Variants in ATL2 observed in about 807,000 individuals in gnomAD.
The protein encoded by ATL2 is atlastin-2.
Under a neutral mutation model 73.9 loss-of-function variants are expected in ATL2, and 31 were observed. That is an observed-to-expected ratio of 0.42 (90% CI 0.32 to 0.57). The LOEUF (loss-of-function observed/expected upper bound fraction) is 0.57, where lower values mean the gene tolerates loss of function less well. ATL2 is among the 20% of genes least tolerant of loss of function. The pLI is 0.14. For synonymous variants in ATL2, 291 were observed against 237.5 expected, an observed-to-expected ratio of 1.23 and a Z score of -2.07; for missense variants, 738 against 702.6, an observed-to-expected ratio of 1.05 and a Z score of -0.57.
rs778034739 is a variant in ATL2, at chr2:38,314,662, T to A, written c.657A>T (p.Leu219Phe). 4 of 1,583,474 alleles carry A rather than the reference T, an allele frequency of 2.5e-6. No homozygotes were observed. The stretch of plus-strand genomic sequence containing the variant: ...TCGCAAGTCTTCCATACTCTGTAAA[T>A]AACTATTAAATAGAGTTAGTTAAAA... ...IQEDDLQHLQ[L>F]FTEYGRLAME... The change falls in exon 6 of 13, where the codon TTA becomes TTT. Residue 219 changes from leucine (L) to phenylalanine (F), a missense_variant and splice_region_variant. Coordinates refer to ENST00000378954, the MANE Select transcript of ATL2 (RefSeq NM_001135673.4).
At position 38,331,114 on chromosome 2, in the gene ATL2, C is replaced by A. The variant is rs557809302; in HGVS notation, c.364-12095G>T. ...GAGTTCGAGACAAACCTGGGCAACA[C>A]GGTGAAACCCTGTCTCTACTAACAT... On this transcript the variant is annotated intron_variant, in intron 2 of 12. Transcript: ENST00000378954. Among the ~76,000 whole-genome samples the A allele has an allele frequency of 3.3e-5, 5 of 151,838 alleles. No homozygotes were observed. In the South Asian group the frequency reaches 1.0e-3, roughly 32 times the overall value.
At chr2:38,365,587 G>C (rs570909122) in intron 1 of ATL2, among the ~76,000 whole-genome samples, 3 of 152,036 alleles carry the variant, frequency 2.0e-5, no homozygotes, top group African/African-American at 7.2e-5. Context: ...TCAGGAGTTC[G>C]AGACCAGCCT....
At chr2:38,366,905 AAACT>A in intron 1 of ATL2, among the ~76,000 whole-genome samples, 1 of 152,312 alleles carries the variant, frequency 6.6e-6, no homozygotes, top group African/African-American at 2.4e-5. Flanking sequence ...TCCCAAAAGA[AAACT>A]AACCCCAGCC....
At chr2:38,377,866 AC>A (rs1672079968), upstream of ATL2, among the ~76,000 whole-genome samples, 1 of 116,138 alleles carries the variant, frequency 8.6e-6, no homozygotes, top group African/African-American at 3.3e-5. Flanking sequence ...CCTCCCCCCC[AC>A]CATCCTAAGG....
Position 38,313,158 on chromosome 2 carries a change from C to A in ATL2, c.797G>T (p.Arg266Ile). Residue 266 changes from arginine to isoleucine, a missense_variant, in exon 7 of 13, where the codon AGA (arginine) becomes ATA (isoleucine). Physicochemically the swap from Arg to Ile is moderately conservative, Grantham distance 97 (BLOSUM62 -3). Coordinates refer to ENST00000378954, the MANE Select transcript of ATL2 (RefSeq NM_001135673.4). ...LEGGKQFLEK[R>I]LQVKQNQHEE... ...TAAGCATTAGGGTCTTACCTGTAAT[C>A]TCTTTTCAAGAAATTGCTTTCCACC... 6.2e-7 allele frequency: 1 copy of A among 1,610,312 alleles called. No individual in the cohort carries two copies. Among genetic ancestry groups the A allele is most frequent in the Non-Finnish European group, 8.5e-7 (1 of 1,177,118 alleles).
At chr2:38,304,352 G>C (rs1667341257) in intron 9 of ATL2, among the ~76,000 whole-genome samples, 1 of 152,106 alleles carries the variant, frequency 6.6e-6, no homozygotes, top group African/African-American at 2.4e-5. Context: ...CAAAAGCTGA[G>C]GAATTTTATC....
intron 11 of ATL2, among the ~76,000 whole-genome samples, chr2:38,298,847 T>C (rs1667041683): frequency 6.6e-6 from 1 of 152,192 alleles, no homozygotes; most frequent in African/African-American, 2.4e-5. Context: ...TTGACCATCA[T>C]ATACCATAAT....
At chr2:38,373,674 T>C (rs1001551093) in intron 1 of ATL2, among the ~76,000 whole-genome samples, 3 of 152,206 alleles carry the variant, frequency 2.0e-5, no homozygotes, top group Non-Finnish European at 4.4e-5. Context: ...TTTAGCAATA[T>C]GTGTATATAC....
chr2:38,317,817 G>A (rs58802865), intron 4 of ATL2, among the ~76,000 whole-genome samples: 14,418 of 151,572 alleles, frequency 0.095, 2,289 homozygotes, highest in African/African-American at 0.33. Flanking sequence ...AAAAAAGTAT[G>A]TATTCCATAA....
intron 12 of ATL2, 170 bp from the exon 13 acceptor site, chr2:38,296,283 T>A: frequency 7.0e-7 from 1 of 1,437,974 alleles, no homozygotes. Context: ...AGACATTTTA[T>A]AATGCAACAA....
intron 1 of ATL2, among the ~76,000 whole-genome samples, chr2:38,360,793 T>A (rs1169592155): frequency 6.6e-6 from 1 of 152,112 alleles, no homozygotes; most frequent in Non-Finnish European, 1.5e-5. Flanking sequence ...TTTTAAAGAA[T>A]GAGAGTACAC....
intron 2 of ATL2, among the ~76,000 whole-genome samples, chr2:38,325,244 C>G (rs1316254735): frequency 1.3e-5 from 2 of 152,074 alleles, no homozygotes; most frequent in Non-Finnish European, 2.9e-5. Context: ...ACTGAAAAAT[C>G]AATAAACTCT....
chr2:38,359,571 C>G (rs566867691), intron 1 of ATL2: 17 of 152,012 alleles, frequency 1.1e-4, no homozygotes, highest in African/African-American at 4.1e-4. Flanking sequence ...GTTGTTTTTC[C>G]TATAGGATTC....
At chr2:38,358,864 A>G (rs1670840731) in intron 1 of ATL2, among the ~76,000 whole-genome samples, 1 of 152,194 alleles carries the variant, frequency 6.6e-6, no homozygotes, top group African/African-American at 2.4e-5. Flanking sequence ...GGATACAAGT[A>G]TTACAAGTAC....
intron 1 of ATL2, among the ~76,000 whole-genome samples, chr2:38,365,232 G>C (rs1247651899): frequency 6.6e-6 from 1 of 151,134 alleles, no homozygotes; most frequent in East Asian, 1.9e-4. Flanking sequence ...ATTTAGAATA[G>C]ACACTTAGAT....
intron 12 of ATL2, chr2:38,296,344 T>G: frequency 6.9e-7 from 1 of 1,457,024 alleles, no homozygotes; most frequent in Non-Finnish European, 9.0e-7. Flanking sequence ...GAGATGGATG[T>G]GCAATTCCAT....
At chr2:38,366,596 A>C (rs1486439906) in intron 1 of ATL2, among the ~76,000 whole-genome samples, 1 of 152,144 alleles carries the variant, frequency 6.6e-6, no homozygotes, top group Admixed American at 6.5e-5. Flanking sequence ...AGCACGACAA[A>C]GCCTCCCTCT....
At chr2:38,326,350 T>A (rs368636797) in intron 2 of ATL2, among the ~76,000 whole-genome samples, 1 of 152,164 alleles carries the variant, frequency 6.6e-6, no homozygotes. Context: ...AACCTCATAA[T>A]AGAAGCCTAA....
chr2:38,304,263 GA>G (rs991089582), intron 9 of ATL2, among the ~76,000 whole-genome samples: 2 of 151,522 alleles, frequency 1.3e-5, no homozygotes, highest in African/African-American at 4.8e-5. Context: ...AAGTGCTGAA[GA>G]AAAAAAACAT....
Sources: gnomAD v4.1 joint callset for allele counts (sites outside exome capture counted in the v4.1 genomes callset) on GRCh38, gnomAD v4.1.1 for gene constraint, MANE v1.5 for transcripts, NCBI Gene and HGNC (gene_info 2026-07-23, HGNC 2026-07-21) for gene names.